Variants in SLC22A15 observed in about 807,000 individuals in gnomAD.
SLC22A15 encodes the protein solute carrier family 22 member 15, also known as flipt 1.
SLC22A15 carries 45 observed loss-of-function variants against 62.7 expected under a neutral mutation model. The observed-to-expected ratio is 0.72, with a 90% CI of 0.56 to 0.92. The LOEUF is 0.92. SLC22A15 is among the 40% of genes least tolerant of loss of function. SLC22A15 has a pLI of 0.00. For synonymous variants in SLC22A15, 264 were observed against 267.0 expected (o/e 0.99, Z 0.11); for missense variants, 622 against 665.6 (o/e 0.93, Z 0.72).
rs1177849324 is a variant in SLC22A15, at chr1:116,026,941, T to C, written c.647T>C (p.Leu216Pro). The C allele has an allele frequency of 1.2e-6, 2 of 1,613,876 alleles. No individual in the cohort carries two copies. Among genetic ancestry groups the C allele is most frequent in the Non-Finnish European group, 1.7e-6 (2 of 1,179,800 alleles). The change falls in exon 5 of 12, where the codon CTG (leucine) becomes CCG (proline). Residue 216 changes from leucine (L) to proline (P), a missense_variant. Physicochemically the swap from Leu to Pro is moderately conservative, Grantham distance 98. Coordinates refer to ENST00000369503, the MANE Select transcript of SLC22A15 (RefSeq NM_018420.3). ...GCAGTTGGCATTGCCCAATATGCCC[T>C]GTTAGGATACTTCATCCGCTCCTGG... ...FFAVGIAQYA[L>P]LGYFIRSWRT...
intron 6 of SLC22A15, chr1:116,032,740 C>A: frequency 1.6e-6 from 1 of 630,740 alleles, no homozygotes; most frequent in Non-Finnish European, 2.0e-6. Context: ...CCAAACCTGA[C>A]AACACAACAT....
chr1:116,024,345 C>A (rs17035114), intron 4 of SLC22A15, among the ~76,000 whole-genome samples: 2,612 of 152,212 alleles, frequency 0.017, 75 homozygotes, highest in African/African-American at 0.058. Flanking sequence ...AAAATGAAGT[C>A]ATAACTATAT....
rs1317242546 is a variant in SLC22A15, at chr1:116,019,604, C to T, written c.323C>T (p.Ser108Phe). ...ASEWFLIANR[S>F]YKVSAASSFF... is the part of the protein sequence containing the mutation. ...TAGTGGTTTTTAATTGCCAACAGAT[C>T]CTACAAAGTCAGTGCAGCAAGCTCT... Residue 108 changes from serine (S) to phenylalanine (F), a missense_variant, in exon 3 of 12, where the codon TCC (serine) becomes TTC (phenylalanine). Coordinates refer to ENST00000369503, the MANE Select transcript of SLC22A15 (RefSeq NM_018420.3). The T allele has an allele frequency of 6.2e-7, 1 of 1,607,592 alleles. No homozygotes were observed. Among genetic ancestry groups the T allele is most frequent in the Admixed American group, 1.7e-5 (1 of 58,522 alleles).
chr1:115,980,228 C>T (rs895791169), intron 1 of SLC22A15, among the ~76,000 whole-genome samples: 1 of 152,038 alleles, frequency 6.6e-6, no homozygotes, highest in Non-Finnish European at 1.5e-5. Context: ...AAACATTAAA[C>T]AATCTAACAG....
At chr1:115,993,694 C>G (rs1655270625) in intron 2 of SLC22A15, among the ~76,000 whole-genome samples, 1 of 152,112 alleles carries the variant, frequency 6.6e-6, no homozygotes, top group African/African-American at 2.4e-5. Context: ...ATTGCAATTC[C>G]TGACGTTACT....
intron 1 of SLC22A15, among the ~76,000 whole-genome samples, chr1:115,983,002 A>G (rs550251572): frequency 2.6e-4 from 40 of 152,356 alleles, no homozygotes; most frequent in Non-Finnish European, 4.0e-4. Flanking sequence ...TGGTAGATAT[A>G]TGGAAATTGT....
chr1:116,016,433 C>T lies in SLC22A15; in HGVS notation c.301-3149C>T, dbSNP rs561766871. On this transcript the variant is annotated intron_variant, in intron 2 of 11. Coordinates refer to ENST00000369503, the MANE Select transcript of SLC22A15 (RefSeq NM_018420.3). ...GTATAGACATGTTTTCGCCATGTTG[C>T]CCAGGCTGCTCTTGAACTCCTGGGC... 2.0e-5 allele frequency among the ~76,000 whole-genome samples: 3 copies of T among 152,246 alleles called. No individual in the cohort carries two copies. In the East Asian group the frequency reaches 5.8e-4, roughly 29 times the overall value.
chr1:116,000,713 C>T (rs1655686162), intron 2 of SLC22A15, among the ~76,000 whole-genome samples: 1 of 139,240 alleles, frequency 7.2e-6, no homozygotes, highest in African/African-American at 2.6e-5. Context: ...TCACTGCAAA[C>T]TCTGCCTTCC....
At chr1:116,065,981 A>G (rs984386729) in intron 10 of SLC22A15, among the ~76,000 whole-genome samples, 1 of 152,186 alleles carries the variant, frequency 6.6e-6, no homozygotes, top group Admixed American at 6.5e-5. Context: ...AGAAGTTTAT[A>G]AGCCATATGT....
chr1:116,056,007 G>T (rs1197880185), intron 8 of SLC22A15, among the ~76,000 whole-genome samples: 1 of 118,382 alleles, frequency 8.4e-6, no homozygotes, highest in Non-Finnish European at 1.8e-5. Flanking sequence ...AGACAGCGAT[G>T]CCCTCTCTCA....
chr1:116,022,312 A>G (rs184089061), intron 4 of SLC22A15, among the ~76,000 whole-genome samples: 4 of 152,272 alleles, frequency 2.6e-5, no homozygotes, highest in East Asian at 1.9e-4. Flanking sequence ...TTTTCTGAAT[A>G]GTATGGCCAA....
chr1:116,006,249 C>G (rs1317017059), intron 2 of SLC22A15, among the ~76,000 whole-genome samples: 6 of 152,040 alleles, frequency 3.9e-5, no homozygotes, highest in African/African-American at 1.4e-4. Context: ...AAAGAGAGAG[C>G]TCTTAGATCC....
intron 2 of SLC22A15, among the ~76,000 whole-genome samples, chr1:116,007,848 G>T (rs1656059417): frequency 6.6e-6 from 1 of 152,170 alleles, no homozygotes; most frequent in Non-Finnish European, 1.5e-5. Context: ...AAACAAAAAA[G>T]AATAGAAGCC....
intron 8 of SLC22A15, among the ~76,000 whole-genome samples, chr1:116,053,950 A>G (rs993976958): frequency 6.6e-6 from 1 of 152,194 alleles, no homozygotes; most frequent in Non-Finnish European, 1.5e-5. Context: ...CTGCAAAATC[A>G]TGCCAAAATG....
intron 1 of SLC22A15, among the ~76,000 whole-genome samples, chr1:115,984,792 G>A (rs370405705): frequency 2.1e-4 from 32 of 152,114 alleles, no homozygotes; most frequent in Non-Finnish European, 3.2e-4. Flanking sequence ...TCCTGACTCT[G>A]TGTAGGTCTA....
At chr1:116,020,380 G>C (rs777180836) in intron 3 of SLC22A15, among the ~76,000 whole-genome samples, 1 of 151,272 alleles carries the variant, frequency 6.6e-6, no homozygotes, top group African/African-American at 2.4e-5. Context: ...GTGAAACCCC[G>C]TCTCTACTAA....
At chr1:115,983,540 C>T (rs1295212970) in intron 1 of SLC22A15, among the ~76,000 whole-genome samples, 2 of 152,110 alleles carry the variant, frequency 1.3e-5, no homozygotes, top group Non-Finnish European at 2.9e-5. Flanking sequence ...GTTGCGGGAG[C>T]TCGTTCAGCA....
intron 6 of SLC22A15, among the ~76,000 whole-genome samples, chr1:116,033,107 G>A (rs900121768): frequency 3.9e-5 from 6 of 152,036 alleles, no homozygotes; most frequent in Admixed American, 6.6e-5. Flanking sequence ...ACATATTGCC[G>A]TTCTTTTTGA....
intron 9 of SLC22A15, among the ~76,000 whole-genome samples, 173 bp downstream of exon 9, chr1:116,063,055 C>T (rs764233948): frequency 2.6e-5 from 4 of 152,208 alleles, no homozygotes; most frequent in Non-Finnish European, 5.9e-5. Flanking sequence ...TCTCTGCCTG[C>T]TCTGCTAGGA....
Sources: gnomAD v4.1 joint callset for allele counts (sites outside exome capture counted in the v4.1 genomes callset) on GRCh38, gnomAD v4.1.1 for gene constraint, MANE v1.5 for transcripts, NCBI Gene and HGNC (gene_info 2026-07-23, HGNC 2026-07-21) for gene names.